MORC4: variants seen among roughly 807,000 people sequenced by gnomAD.
MORC4 encodes MORC family CW-type zinc finger 4.
MORC4 carries 22 observed loss-of-function variants against 65.5 expected under a neutral mutation model. The ratio of observed to expected loss-of-function variants is 0.34; its 90% confidence interval spans 0.24 to 0.48. The LOEUF is 0.48. Ranked by LOEUF, MORC4 falls within the 20% of genes least tolerant of loss-of-function variation. The pLI, the probability that MORC4 is intolerant of heterozygous loss-of-function variation, is 0.99. For synonymous variants in MORC4, 267 were observed against 255.8 expected, an observed-to-expected ratio of 1.04 and a Z score of -0.42; for missense variants, 624 against 703.0, an observed-to-expected ratio of 0.89 and a Z score of 1.27.
intron 14 of MORC4, among the ~76,000 whole-genome samples, chrX:106,946,571 A>G (rs925862821): frequency 1.8e-5 from 2 of 112,427 alleles, no homozygotes; most frequent in Admixed American, 9.5e-5. Context: ...TTTGGCTACC[A>G]TAAATGATGC....
chrX:106,997,814 T>C (rs996479913), intron 2 of MORC4, among the ~76,000 whole-genome samples: 3 of 111,725 alleles, frequency 2.7e-5, no homozygotes, highest in African/African-American at 9.8e-5. Context: ...CATATCCACA[T>C]GTCCCAATCC....
chrX:106,944,176 G>T (rs1026672498), intron 14 of MORC4, among the ~76,000 whole-genome samples: 1 of 112,062 alleles, frequency 8.9e-6, no homozygotes, highest in African/African-American at 3.2e-5. Flanking sequence ...TGTATTTTTT[G>T]AGAACACCGG....
At chrX:106,995,356 C>T (rs148451527) in intron 2 of MORC4, among the ~76,000 whole-genome samples, 1,393 of 111,788 alleles carry the variant, frequency 0.012, 19 homozygotes, top group African/African-American at 0.042. Flanking sequence ...CTGGAGCCTC[C>T]CGGTCACACC....
intron 14 of MORC4, among the ~76,000 whole-genome samples, chrX:106,948,242 T>C (rs1460387731): frequency 2.7e-5 from 3 of 111,762 alleles, no homozygotes; most frequent in African/African-American, 6.5e-5. Flanking sequence ...CTTTTTATTT[T>C]CCATTTTTTA....
chrX:106,943,399 G>C (rs1163961891), intron 14 of MORC4, among the ~76,000 whole-genome samples, 194 bp from the exon 15 acceptor site: 1 of 111,639 alleles, frequency 9.0e-6, no homozygotes. Flanking sequence ...TTAACGGAGA[G>C]GTGAAGTTGA....
rs1164761494 is a variant in MORC4 at position 106,942,797 on chromosome X, G to A, written c.2094C>T (p.Ala698=). 1 of 1,211,390 alleles carries A rather than the reference G, an allele frequency of 8.3e-7. No individual in the cohort carries two copies. Among genetic ancestry groups the A allele is most frequent in the Admixed American group, 2.2e-5 (1 of 45,997 alleles). Residue 698 remains alanine (A), a synonymous_variant, in exon 15 of 17, where the codon GCC becomes GCT. Coordinates refer to ENST00000355610, the MANE Select transcript of MORC4 (RefSeq NM_024657.5). Reference sequence around the variant, plus strand: ...GAGCTCCTGAATCTCTAACACCTTTGGCAACACCCACAACAGCTACAAAAG... The same window carrying A: ...GAGCTCCTGAATCTCTAACACCTTTAGCAACACCCACAACAGCTACAAAAG... The part of the protein sequence containing the change: ...KGPFVAVVGV[A]KGVRDSGAPI...
Position 106,956,515 on chromosome X carries a change from TCTC to T in MORC4, c.1471_1473del (p.Glu491del), listed in dbSNP as rs771068685. 1.7e-5 allele frequency: 21 copies of T among 1,205,999 alleles called. No homozygotes were observed. Among genetic ancestry groups the T allele is most frequent in the Non-Finnish European group, 2.2e-5 (20 of 891,388 alleles). On this transcript the variant is annotated inframe_deletion, in exon 13 of 17. Transcript: ENST00000355610. ...TCATTTTCCATAGGCATCTTCTTCT[TCTC>T]CTCAACAGTTTGTTCTCTAGGAGAA...
At chrX:106,996,596 T>C (rs1003314001) in intron 2 of MORC4, among the ~76,000 whole-genome samples, 1 of 111,259 alleles carries the variant, frequency 9.0e-6, no homozygotes, top group Non-Finnish European at 1.9e-5. Flanking sequence ...CCAGAAAATC[T>C]ATCTTCTCCC....
chrX:106,976,784 C>CTATT, intron 8 of MORC4, 100 bp from the exon 9 acceptor site: 1 of 539,323 alleles, frequency 1.9e-6, no homozygotes, highest in Non-Finnish European at 3.1e-6. Context: ...ACATAACCTT[C>CTATT]ATGGGCAAGA....
In MORC4 at chrX:106,985,174, C is replaced by T. The variant is rs762630243; in HGVS notation, c.596G>A (p.Arg199His). 86 of 1,199,767 alleles carry T rather than the reference C, an allele frequency of 7.2e-5. No homozygotes were observed. Among genetic ancestry groups the T allele is most frequent in the Non-Finnish European group, 9.1e-5 (81 of 887,772 alleles). Residue 199 changes from arginine to histidine, a missense_variant, in exon 5 of 17, where the codon CGT becomes CAT. By Grantham distance (29) the Arg-to-His change is conservative (BLOSUM62 0). Coordinates refer to ENST00000355610, the MANE Select transcript of MORC4 (RefSeq NM_024657.5). ...AAACTGGGCCAGCAGGTCATTTTCA[C>T]GGTTGAAAATGGAATAGTTCAAGAT... ...EAILNYSIFNRENDLLAQFDA... is the reference protein window; with the variant it reads ...EAILNYSIFNHENDLLAQFDA...
intron 7 of MORC4, among the ~76,000 whole-genome samples, chrX:106,979,948 A>G (rs772257143): frequency 9.0e-6 from 1 of 110,737 alleles, no homozygotes; most frequent in South Asian, 3.9e-4. Flanking sequence ...AAACATTCCT[A>G]GTAGCCAAGA....
At position 106,941,362 on chromosome X, in the gene MORC4, AGGTGAG is replaced by A. The variant is rs1255369073; in HGVS notation, c.*111_*116del. 5.1e-5 allele frequency: 24 copies of A among 469,005 alleles called. No homozygotes were observed. In the African/African-American group the frequency reaches 9.4e-4, roughly 18 times the overall value. 38.7% of individuals were successfully genotyped at this position (469,005 alleles called of 1,213,427 possible). On this transcript the variant is annotated 3_prime_UTR_variant, in exon 17 of 17. Transcript: ENST00000355610. ...CAGAGATTCTCTATATAAGGCATAA[AGGTGAG>A]GGTGAGAGAGAGAGAGAGAGAGAGA...
chrX:106,946,477 A>G, intron 14 of MORC4, among the ~76,000 whole-genome samples: 1 of 112,570 alleles, frequency 8.9e-6, no homozygotes, highest in Non-Finnish European at 1.9e-5. Context: ...ATTCCTTTTC[A>G]TAGCTAAATA....
At position 106,942,790 on chromosome X, in the gene MORC4, C is replaced by T. The variant is rs754631888; in HGVS notation, c.2101G>A (p.Val701Ile). Residue 701 changes from valine (V) to isoleucine (I), a missense_variant, in exon 15 of 17, where the codon GTT becomes ATT. Val to Ile is a conservative substitution (Grantham distance 29). Transcript: ENST00000355610. ...FVAVVGVAKG[V>I]RDSGAPIQLI... ...TGAATGGGAGCTCCTGAATCTCTAA[C>T]ACCTTTGGCAACACCCACAACAGCT... 56 of 1,209,937 alleles carry T rather than the reference C, an allele frequency of 4.6e-5. No homozygotes were observed. Among genetic ancestry groups the T allele is most frequent in the Non-Finnish European group, 5.8e-5 (52 of 895,234 alleles).
At chrX:106,986,750 C>T (rs1934878321) in intron 3 of MORC4, among the ~76,000 whole-genome samples, 1 of 112,015 alleles carries the variant, frequency 8.9e-6, no homozygotes, top group Admixed American at 9.4e-5. Context: ...ATAACCCTTC[C>T]AATTCTTAGT....
intron 14 of MORC4, among the ~76,000 whole-genome samples, chrX:106,945,017 A>G (rs1671075543): frequency 8.9e-6 from 1 of 112,075 alleles, no homozygotes; most frequent in South Asian, 3.7e-4. Context: ...TAAATGTCTT[A>G]GCTCACTATT....
chrX:106,984,643 AT>A (rs900657419), intron 5 of MORC4, among the ~76,000 whole-genome samples: 11 of 97,999 alleles, frequency 1.1e-4, no homozygotes, highest in East Asian at 3.2e-4. Flanking sequence ...TAATTTTTGT[AT>A]TTTTTTTTTA....
chrX:106,942,094 C>T lies in MORC4; in HGVS notation c.2504G>A (p.Arg835His), dbSNP rs759166614. The T allele has an allele frequency of 2.5e-6, 3 of 1,211,254 alleles. No homozygotes were observed. Among genetic ancestry groups the T allele is most frequent in the African/African-American group, 3.5e-5 (2 of 57,650 alleles). ...TTTCAGAATCTGGAATTCAGCTTGG[C>T]GATAACCCATGTGTTTCTTGCTCCA... Reference protein sequence around the residue: ...LYWSKKHMGYRQAEFQILKAE... With the variant: ...LYWSKKHMGYHQAEFQILKAE... The change falls in exon 16 of 17, where the codon CGC becomes CAC. Residue 835 changes from arginine (R) to histidine (H), a missense_variant. Arg to His is a conservative substitution (Grantham distance 29, BLOSUM62 0). Coordinates refer to ENST00000355610, the MANE Select transcript of MORC4 (RefSeq NM_024657.5).
intron 14 of MORC4, among the ~76,000 whole-genome samples, chrX:106,948,435 TTA>T (rs1257082072): frequency 2.7e-5 from 3 of 112,067 alleles, no homozygotes; most frequent in African/African-American, 9.7e-5. Context: ...ACATATTGCT[TTA>T]TGTTATTTAA....
Sources: allele counts gnomAD v4.1 joint callset (sites outside exome capture counted in the v4.1 genomes callset), GRCh38; gene constraint gnomAD v4.1.1; transcripts MANE v1.5; gene names NCBI Gene and HGNC (gene_info 2026-07-23, HGNC 2026-07-21).